NCOA1: variants seen among roughly 807,000 people sequenced by gnomAD.
The protein encoded by NCOA1 is nuclear receptor coactivator 1.
In NCOA1, 35 loss-of-function variants were observed where a neutral mutation model predicts 150.9. That is an observed-to-expected ratio of 0.23 (90% CI 0.18 to 0.31). The LOEUF is 0.31. Ranked by LOEUF, NCOA1 falls within the 10% of genes least tolerant of loss-of-function variation. The probability of loss-of-function intolerance (pLI) is 1.00; values close to 1 mark genes in which losing one functional copy is unlikely to be tolerated. For synonymous variants in NCOA1, 590 were observed against 630.0 expected (o/e 0.94, Z 0.95); for missense variants, 1,491 against 1,749.3 (o/e 0.85, Z 2.63).
chr2:24,586,682 A>G (rs1667425997), intron 3 of NCOA1, among the ~76,000 whole-genome samples: 1 of 152,138 alleles, frequency 6.6e-6, no homozygotes, highest in South Asian at 2.1e-4. Context: ...CTCAAACTCT[A>G]GGCTCAGGCA....
intron 1 of NCOA1, among the ~76,000 whole-genome samples, chr2:24,558,223 C>T (rs1309292063): frequency 6.6e-6 from 1 of 152,104 alleles, no homozygotes; most frequent in African/African-American, 2.4e-5. Flanking sequence ...GTTCTTTCTT[C>T]ATCCCTGTCC....
At chr2:24,521,317 A>T (rs1414024937) in intron 1 of NCOA1, among the ~76,000 whole-genome samples, 1 of 152,210 alleles carries the variant, frequency 6.6e-6, no homozygotes, top group African/African-American at 2.4e-5. Context: ...ATGCTGTAAA[A>T]TAGAGCTCCA....
chr2:24,633,927 A>G (rs1219997849), intron 3 of NCOA1, among the ~76,000 whole-genome samples: 1 of 152,154 alleles, frequency 6.6e-6, no homozygotes, highest in African/African-American at 2.4e-5. Flanking sequence ...ATTTGTAATA[A>G]TGAAAATGTA....
intron 6 of NCOA1, among the ~76,000 whole-genome samples, chr2:24,669,105 G>A (rs1308731302): frequency 6.6e-6 from 1 of 152,094 alleles, no homozygotes; most frequent in Admixed American, 6.5e-5. Flanking sequence ...ACCTTTCATG[G>A]TAGCATGTCA....
At chr2:24,713,365 A>G (rs927148304) in intron 14 of NCOA1, among the ~76,000 whole-genome samples, 9 of 152,120 alleles carry the variant, frequency 5.9e-5, no homozygotes, top group Non-Finnish European at 1.3e-4. Flanking sequence ...CAGTGTTTCA[A>G]CAAGTACCCA....
At chr2:24,689,967 A>C (rs954754313) in intron 8 of NCOA1, among the ~76,000 whole-genome samples, 1 of 152,168 alleles carries the variant, frequency 6.6e-6, no homozygotes, top group Non-Finnish European at 1.5e-5. Flanking sequence ...TTCATTTTCC[A>C]CATTGTTCCC....
chr2:24,649,799 A>C (rs2148474940), intron 4 of NCOA1, among the ~76,000 whole-genome samples: 1 of 152,294 alleles, frequency 6.6e-6, no homozygotes, highest in East Asian at 1.9e-4. Context: ...AATTAATGCA[A>C]AGAAAAAAAG....
chr2:24,617,526 G>A (rs1448937043), intron 3 of NCOA1, among the ~76,000 whole-genome samples: 1 of 152,100 alleles, frequency 6.6e-6, no homozygotes, highest in African/African-American at 2.4e-5. Context: ...TCATTAATGT[G>A]TTAGTGATTC....
intron 1 of NCOA1, among the ~76,000 whole-genome samples, chr2:24,550,093 T>TTCATTATCCTTA (rs777913163): frequency 3.9e-5 from 6 of 152,196 alleles, no homozygotes; most frequent in Non-Finnish European, 7.3e-5. Flanking sequence ...CAGCCTGGAT[T>TTCATTATCCTTA]TCATTGTCCT....
intron 3 of NCOA1, among the ~76,000 whole-genome samples, chr2:24,610,624 G>T (rs1349946824): frequency 6.6e-6 from 1 of 151,296 alleles, no homozygotes; most frequent in African/African-American, 2.4e-5. Context: ...ATTTTTATTT[G>T]TTCCATCTTT....
At chr2:24,742,285 G>A in intron 19 of NCOA1, 99 bp downstream of exon 19, 1 of 1,377,442 alleles carries the variant, frequency 7.3e-7, no homozygotes, top group Non-Finnish European at 9.8e-7. Context: ...ATAGTGTGTG[G>A]AAGAGGAAAG....
intron 1 of NCOA1, among the ~76,000 whole-genome samples, chr2:24,537,864 TAAAAA>T (rs1036399418): frequency 6.6e-6 from 1 of 152,094 alleles, no homozygotes; most frequent in African/African-American, 2.4e-5. Flanking sequence ...TAAAACTTGT[TAAAAA>T]AAGAAAACTA....
intron 7 of NCOA1, among the ~76,000 whole-genome samples, chr2:24,679,808 G>T (rs1190620343): frequency 6.6e-6 from 1 of 152,024 alleles, no homozygotes; most frequent in Non-Finnish European, 1.5e-5. Flanking sequence ...TATTAATCAC[G>T]TCCCTATCTC....
intron 14 of NCOA1, among the ~76,000 whole-genome samples, chr2:24,712,173 A>AT (rs1176050702): frequency 6.6e-6 from 1 of 152,246 alleles, no homozygotes; most frequent in African/African-American, 2.4e-5. Context: ...AAGGAAGTAC[A>AT]TTTTTTGAAC....
chr2:24,606,381 C>T (rs1336059824), intron 3 of NCOA1, among the ~76,000 whole-genome samples: 1 of 151,970 alleles, frequency 6.6e-6, no homozygotes, highest in Non-Finnish European at 1.5e-5. Context: ...GGATTACAGG[C>T]GCCTGCCACC....
At position 24,691,657 on chromosome 2, in the gene NCOA1, G is replaced by C. The variant is rs1303688730; in HGVS notation, c.709G>C (p.Glu237Gln). The change falls in exon 9 of 23, where the codon GAA becomes CAA. Residue 237 changes from glutamate (E) to glutamine (Q), a missense_variant. Around this residue, in one of 8 missense-constraint regions of NCOA1, gnomAD observed 99 missense variants for 122.8 expected, o/e 0.81. Coordinates refer to ENST00000348332, the MANE Select transcript of NCOA1 (RefSeq NM_003743.5). Reference sequence around the variant, plus strand: ...GCCAAAATCAATTCAAGAGGATGGAGAAGGTAAAGCCAAACGGTCTTTTTA... The same window carrying C: ...GCCAAAATCAATTCAAGAGGATGGACAAGGTAAAGCCAAACGGTCTTTTTA... Reference protein sequence around the residue: ...SQPKSIQEDGEDFQSCLICIA... With the variant: ...SQPKSIQEDGQDFQSCLICIA... 1.2e-6 allele frequency: 2 copies of C among 1,613,156 alleles called. No homozygotes were observed. Among genetic ancestry groups the C allele is most frequent in the African/African-American group, 2.7e-5 (2 of 74,916 alleles).
intron 1 of NCOA1, chr2:24,555,890 T>C (rs2148237645): frequency 6.6e-6 from 1 of 152,370 alleles, no homozygotes; most frequent in Non-Finnish European, 1.5e-5. Flanking sequence ...AATTTATTCT[T>C]TTAATTAGTA....
At chr2:24,516,136 C>G (rs1664148893) in intron 1 of NCOA1, among the ~76,000 whole-genome samples, 1 of 150,910 alleles carries the variant, frequency 6.6e-6, no homozygotes, top group South Asian at 2.1e-4. Flanking sequence ...GACATGGACC[C>G]TGACCTATGA....
chr2:24,649,372 T>TG (rs1233774755), intron 4 of NCOA1, among the ~76,000 whole-genome samples: 1 of 152,224 alleles, frequency 6.6e-6, no homozygotes, highest in Non-Finnish European at 1.5e-5. Flanking sequence ...ATATTCTTGT[T>TG]TATACCAGCT....
Sources: allele counts gnomAD v4.1 joint callset (sites outside exome capture counted in the v4.1 genomes callset), GRCh38; gene constraint gnomAD v4.1.1; regional missense constraint gnomAD v4.1.1; transcripts MANE v1.5; gene names NCBI Gene and HGNC (gene_info 2026-07-23, HGNC 2026-07-21).